SOX5: variants seen among roughly 807,000 people sequenced by gnomAD.
SOX5 encodes SRY-box transcription factor 5.
In SOX5, 9 loss-of-function variants were observed where a neutral mutation model predicts 92.0. The observed-to-expected ratio is 0.10, with a 90% CI of 0.06 to 0.17. The LOEUF is 0.17. SOX5 is among the 10% of genes least tolerant of loss of function. The pLI is 1.00. For missense variants in SOX5, 642 were observed against 944.5 expected (o/e 0.68, Z 4.20); for synonymous variants, 344 against 336.3 (o/e 1.02, Z -0.25).
In SOX5 at chr12:24,400,062, T is replaced by C. The variant is rs540782595; in HGVS notation, c.-250-31423A>G. The stretch of plus-strand genomic sequence containing the variant: ...AAAACATAAACTTTCAATCTGACCA[T>C]TAGCATTAGGAAATCCAGTCCATAA... On this transcript the variant is annotated intron_variant, in intron 1 of 4. Transcript: ENST00000446891. Among the ~76,000 whole-genome samples the C allele has an allele frequency of 4.6e-5, 7 of 152,308 alleles. No homozygotes were observed. In the East Asian group the frequency reaches 1.3e-3, roughly 29 times the overall value.
chr12:24,264,928 G>A (rs955140548), intron 3 of SOX5, among the ~76,000 whole-genome samples: 1 of 152,142 alleles, frequency 6.6e-6, no homozygotes, highest in African/African-American at 2.4e-5. Context: ...CAGTGACAGG[G>A]AGACCCAGTT....
At chr12:24,232,673 T>A (rs761975375) in intron 3 of SOX5, among the ~76,000 whole-genome samples, 1 of 152,184 alleles carries the variant, frequency 6.6e-6, no homozygotes, top group Non-Finnish European at 1.5e-5. Context: ...TGGTTAGATA[T>A]CTTGGCAAAG....
At chr12:24,146,554 C>T (rs1278886775) in intron 4 of SOX5, among the ~76,000 whole-genome samples, 1 of 151,884 alleles carries the variant, frequency 6.6e-6, no homozygotes, top group Admixed American at 6.6e-5. Context: ...CCCATGACCT[C>T]CGTTTCCACT....
chr12:23,779,572 T>A (rs1468804962), intron 3 of SOX5, among the ~76,000 whole-genome samples: 2 of 151,626 alleles, frequency 1.3e-5, no homozygotes, highest in Non-Finnish European at 2.9e-5. Context: ...TACAGTCATA[T>A]TCTGTTTAAA....
At chr12:23,936,980 A>G (rs1244131929) in intron 1 of SOX5, among the ~76,000 whole-genome samples, 1 of 150,880 alleles carries the variant, frequency 6.6e-6, no homozygotes, top group East Asian at 1.9e-4. Flanking sequence ...AGAAAGGAGC[A>G]CAAATAGAGA....
At chr12:24,438,588 A>AG (rs1158810010) in intron 1 of SOX5, among the ~76,000 whole-genome samples, 2 of 152,172 alleles carry the variant, frequency 1.3e-5, no homozygotes, top group Non-Finnish European at 2.9e-5. Context: ...AGAGGGGGTA[A>AG]AAAAGAAAAA....
At chr12:23,878,322 T>C (rs1352722792) in intron 2 of SOX5, among the ~76,000 whole-genome samples, 1 of 152,084 alleles carries the variant, frequency 6.6e-6, no homozygotes, top group African/African-American at 2.4e-5. Flanking sequence ...TTCCAAATAT[T>C]TCTGTATAAT....
At chr12:23,536,074 ATTT>A (rs1940360331) in intron 14 of SOX5, among the ~76,000 whole-genome samples, 1 of 152,178 alleles carries the variant, frequency 6.6e-6, no homozygotes, top group African/African-American at 2.4e-5. Context: ...TTTTGAAATG[ATTT>A]TTATTTTGTA....
At chr12:23,722,682 T>G (rs976501123) in intron 6 of SOX5, among the ~76,000 whole-genome samples, 1 of 152,172 alleles carries the variant, frequency 6.6e-6, no homozygotes, top group African/African-American at 2.4e-5. Flanking sequence ...TCTATATACA[T>G]CACTTCATTT....
intron 10 of SOX5, among the ~76,000 whole-genome samples, chr12:23,570,578 G>A (rs1459826220): frequency 6.6e-6 from 1 of 151,696 alleles, no homozygotes; most frequent in African/African-American, 2.4e-5. Context: ...AGGAGTATGA[G>A]GCCAGACTGG....
intron 1 of SOX5, among the ~76,000 whole-genome samples, chr12:24,434,454 T>C (rs1939011271): frequency 6.6e-6 from 1 of 152,226 alleles, no homozygotes; most frequent in South Asian, 2.1e-4. Flanking sequence ...GTATACGCTC[T>C]ACAGTCATGA....
chr12:23,807,157 G>A (rs2095794829), intron 3 of SOX5, among the ~76,000 whole-genome samples: 1 of 152,138 alleles, frequency 6.6e-6, no homozygotes, highest in Non-Finnish European at 1.5e-5. Flanking sequence ...CTCATACCGT[G>A]ATTAGATTAA....
At chr12:24,201,691 G>A (rs1198294429) in intron 4 of SOX5, among the ~76,000 whole-genome samples, 1 of 152,114 alleles carries the variant, frequency 6.6e-6, no homozygotes, top group East Asian at 1.9e-4. Context: ...TTGTCACAGA[G>A]TATTAGTGAG....
rs10687571 is a variant in SOX5, at chr12:24,050,084, C to CAAAAA, written c.-1-154065_-1-154061dup. On this transcript the variant is annotated intron_variant, in intron 4 of 4. Coordinates refer to the SOX5 transcript ENST00000446891. ...CTTTCACATGCTGTGGGCGCAGAGG[C>CAAAAA]AAAAAAAAAAAAAAAAAAAAAAGTG... Among the ~76,000 whole-genome samples the CAAAAA allele has an allele frequency of 1.0e-3, 76 of 74,110 alleles. 2 individuals are homozygous for CAAAAA. Among genetic ancestry groups the CAAAAA allele is most frequent in the East Asian group, 2.6e-3 (6 of 2,268 alleles). 48.6% of individuals were successfully genotyped at this position (74,110 alleles called of 152,430 possible).
rs552780159 is a variant in SOX5, at chr12:24,517,143, T to G, written c.-251+45186A>C. ...AATGTCTCATTCACATAGTAAGTGT[T>G]CTGGAAACCTCAGCCAGCTGAAATG... On this transcript the variant is annotated intron_variant, in intron 1 of 4. Transcript: ENST00000446891. Among the ~76,000 whole-genome samples the G allele has an allele frequency of 1.2e-4, 18 of 152,334 alleles. No homozygotes were observed. The South Asian group carries it at 2.1e-3, about 18-fold the overall frequency.
At chr12:24,128,283 GA>G (rs1949307453) in intron 4 of SOX5, among the ~76,000 whole-genome samples, 2 of 152,084 alleles carry the variant, frequency 1.3e-5, no homozygotes, top group Non-Finnish European at 2.9e-5. Context: ...ATCTTCTGAG[GA>G]AAAAAATTCT....
intron 1 of SOX5, among the ~76,000 whole-genome samples, chr12:23,904,145 T>C (rs1685318259): frequency 6.6e-6 from 1 of 152,162 alleles, no homozygotes; most frequent in African/African-American, 2.4e-5. Flanking sequence ...ATGTAAATTT[T>C]TATAACCAAG....
At chr12:23,573,232 T>C (rs918885501) in intron 10 of SOX5, among the ~76,000 whole-genome samples, 2 of 152,178 alleles carry the variant, frequency 1.3e-5, no homozygotes, top group African/African-American at 4.8e-5. Flanking sequence ...CTTAGCCTTC[T>C]CAAACTATTA....
chr12:24,313,889 C>T lies in SOX5; in HGVS notation c.-173-36577G>A, dbSNP rs117624956. Among the ~76,000 whole-genome samples, 636 of 152,294 alleles carry T rather than the reference C, an allele frequency of 4.2e-3. 25 individuals are homozygous for T. In the South Asian group the frequency reaches 0.064, roughly 15 times the overall value. On this transcript the variant is annotated intron_variant, in intron 2 of 4. Coordinates refer to the SOX5 transcript ENST00000446891. Reference sequence around the variant, plus strand: ...AGCTTATCTATTCTTTACCCTCAAACCTTTTCTCCAAATCTTTATAAATAA... The same window carrying T: ...AGCTTATCTATTCTTTACCCTCAAATCTTTTCTCCAAATCTTTATAAATAA...
Sources: gnomAD v4.1 joint callset for allele counts (sites outside exome capture counted in the v4.1 genomes callset) on GRCh38, gnomAD v4.1.1 for gene constraint, MANE v1.5 for transcripts, NCBI Gene and HGNC (gene_info 2026-07-23, HGNC 2026-07-21) for gene names.